The following VWA8 variants were observed in gnomAD, a reference collection of about 807,000 sequenced individuals.
VWA8 encodes the protein von Willebrand factor A domain containing 8, also known as von Willebrand factor A domain-containing protein 8.
A neutral mutation model predicts 241.5 loss-of-function variants in VWA8; 221 were observed. That is an observed-to-expected ratio of 0.91 (90% confidence interval 0.82 to 1.02). The LOEUF (loss-of-function observed/expected upper bound fraction) is 1.02. Ranked by LOEUF, VWA8 falls within the 50% of genes least tolerant of loss-of-function variation. VWA8 has a pLI of 0.00. For missense variants in VWA8, 2,322 were observed against 2,328.7 expected (o/e 1.00, Z 0.06); for synonymous variants, 852 against 827.1 (o/e 1.03, Z -0.52).
intron 21 of VWA8, among the ~76,000 whole-genome samples, chr13:41,745,717 G>A (rs950474818): frequency 1.3e-5 from 2 of 152,172 alleles, no homozygotes; most frequent in African/African-American, 4.8e-5. Flanking sequence ...AACAGGTGCT[G>A]GAGAGCATGT....
At chr13:41,694,528 T>A (rs898574218) in intron 29 of VWA8, among the ~76,000 whole-genome samples, 9 of 152,028 alleles carry the variant, frequency 5.9e-5, no homozygotes, top group Non-Finnish European at 1.3e-4. Flanking sequence ...AAAATGGTAA[T>A]GATATCTTAG....
At chr13:41,770,769 T>C (rs2045815454) in intron 20 of VWA8, among the ~76,000 whole-genome samples, 1 of 151,784 alleles carries the variant, frequency 6.6e-6, no homozygotes, top group Admixed American at 6.5e-5. Context: ...TTTTATTTTA[T>C]AAGAAATATA....
chr13:41,945,777 G>T (rs1309505503), intron 2 of VWA8, among the ~76,000 whole-genome samples: 1 of 151,854 alleles, frequency 6.6e-6, no homozygotes, highest in Non-Finnish European at 1.5e-5. Context: ...AGACTTGTGG[G>T]GCACCATCAA....
At chr13:41,956,724 A>T (rs934138058) in intron 1 of VWA8, among the ~76,000 whole-genome samples, 4 of 152,186 alleles carry the variant, frequency 2.6e-5, no homozygotes, top group Non-Finnish European at 5.9e-5. Flanking sequence ...ACAAAAATTC[A>T]TGTAGATGGA....
chr13:41,590,965 T>C (rs892402220), intron 40 of VWA8, among the ~76,000 whole-genome samples, 200 bp from the exon 41 acceptor site: 1 of 152,156 alleles, frequency 6.6e-6, no homozygotes, highest in Admixed American at 6.5e-5. Flanking sequence ...TCTTTCAACA[T>C]ATGGAACAAT....
chr13:41,581,823 A>G (rs1773055085), intron 42 of VWA8, among the ~76,000 whole-genome samples: 1 of 152,210 alleles, frequency 6.6e-6, no homozygotes. Flanking sequence ...AAAAAAAATT[A>G]AGCCATTAAG....
At chr13:41,729,837 ACACAC>A (rs1203706010) in intron 22 of VWA8, among the ~76,000 whole-genome samples, 160 bp from the exon 23 acceptor site, 6 of 150,674 alleles carry the variant, frequency 4.0e-5, no homozygotes, top group African/African-American at 1.5e-4. Flanking sequence ...ACACACACAC[ACACAC>A]ATCTATAGCA....
chr13:41,711,136 G>A (rs1185454516), intron 26 of VWA8, among the ~76,000 whole-genome samples: 1 of 152,062 alleles, frequency 6.6e-6, no homozygotes, highest in East Asian at 1.9e-4. Flanking sequence ...TTTCATCAGG[G>A]GTAATACTAA....
rs375177854 is a variant in VWA8, at chr13:41,675,231, A to T, written c.4393T>A (p.Tyr1465Asn). 1.4e-5 allele frequency: 23 copies of T among 1,611,988 alleles called. 1 individual carries two copies. The African/African-American group carries it at 2.1e-4, about 15-fold the overall frequency. The part of the protein sequence containing the change: ...VTDLQSKKLR[Y>N]IPIPRSESLS... ...ATGGATTACCTGGGAATAGGGATAT[A>T]TCGGAGTTTCTTTGATTGAAGATCA... is the stretch of plus-strand genomic sequence containing the variant. Residue 1465 changes from tyrosine to asparagine, a missense_variant, in exon 36 of 45, where the codon TAT becomes AAT. Transcript: ENST00000379310.
intron 26 of VWA8, among the ~76,000 whole-genome samples, chr13:41,712,966 A>T (rs559342137): frequency 6.6e-6 from 1 of 152,136 alleles, no homozygotes; most frequent in Non-Finnish European, 1.5e-5. Flanking sequence ...CCCTCACTTG[A>T]TATGTTTATG....
At chr13:41,874,039 T>A (rs1873775085) in intron 9 of VWA8, among the ~76,000 whole-genome samples, 1 of 151,926 alleles carries the variant, frequency 6.6e-6, no homozygotes, top group African/African-American at 2.4e-5. Flanking sequence ...TATATGCAAA[T>A]CAATAAATGT....
chr13:41,817,981 G>A (rs903146021), intron 15 of VWA8, among the ~76,000 whole-genome samples: 8 of 149,340 alleles, frequency 5.4e-5, no homozygotes, highest in Non-Finnish European at 1.0e-4. Flanking sequence ...TTTTTTTTTC[G>A]AGACGGAGTC....
Position 41,721,460 on chromosome 13 carries a change from G to A in VWA8, c.2874C>T (p.Ala958=). 1 of 1,613,876 alleles carries A rather than the reference G, an allele frequency of 6.2e-7. No individual in the cohort carries two copies. The highest frequency in any genetic ancestry group is 1.3e-5 in the African/African-American group (1 of 74,986). The part of the protein sequence containing the change: ...PEPILQKLVA[A]FGELRSLADQ... ...CAGCCAAACTCCTCAGCTCTCCAAA[G>A]GCAGCCACAAGCTTCTGAAGGATGG... Residue 958 remains alanine, a synonymous_variant, in exon 25 of 45, where the codon GCC becomes GCT. Transcript: ENST00000379310.
At chr13:41,597,343 AAC>A (rs2044495376) in intron 40 of VWA8, among the ~76,000 whole-genome samples, 1 of 152,170 alleles carries the variant, frequency 6.6e-6, no homozygotes, top group African/African-American at 2.4e-5. Flanking sequence ...AATCAGTGGA[AAC>A]ACAAAATTTT....
intron 20 of VWA8, among the ~76,000 whole-genome samples, chr13:41,772,629 T>C (rs2045833350): frequency 6.6e-6 from 1 of 152,208 alleles, no homozygotes; most frequent in African/African-American, 2.4e-5. Context: ...TCTATCCCAC[T>C]TGGCAGAAAG....
At chr13:41,746,327 T>G (rs1472701544) in intron 21 of VWA8, among the ~76,000 whole-genome samples, 1 of 152,176 alleles carries the variant, frequency 6.6e-6, no homozygotes, top group Non-Finnish European at 1.5e-5. Flanking sequence ...TCCTTAAGCT[T>G]GTGATCTAGA....
intron 35 of VWA8, among the ~76,000 whole-genome samples, chr13:41,683,175 G>GA (rs960401087): frequency 1.3e-5 from 2 of 150,706 alleles, no homozygotes; most frequent in African/African-American, 4.9e-5. Flanking sequence ...CCCAAAACTG[G>GA]AAAAAACCAA....
At chr13:41,939,113 C>T (rs568851690) in intron 2 of VWA8, among the ~76,000 whole-genome samples, 2 of 152,224 alleles carry the variant, frequency 1.3e-5, no homozygotes, top group African/African-American at 2.4e-5. Flanking sequence ...TCCAGTAAAC[C>T]TTAAATGGCC....
rs369965890 is a variant in VWA8, at chr13:41,573,046, T to C, written c.5371-2340A>G. Among the ~76,000 whole-genome samples, 13 of 148,324 alleles carry C rather than the reference T, an allele frequency of 8.8e-5. No individual in the cohort carries two copies. In the East Asian group the frequency reaches 1.2e-3, roughly 14 times the overall value. ...GTCGCTTGGGTGTGGGAGGCGCAGG[T>C]TGTAGTGAGCTGAGAATGTACCACT... On this transcript the variant is annotated intron_variant, in intron 43 of 44. Transcript: ENST00000379310.
Sources: allele counts gnomAD v4.1 joint callset (sites outside exome capture counted in the v4.1 genomes callset), GRCh38; gene constraint gnomAD v4.1.1; transcripts MANE v1.5; gene names NCBI Gene and HGNC (gene_info 2026-07-23, HGNC 2026-07-21).